Variants in SKP2 observed in about 807,000 individuals in gnomAD.
SKP2 encodes the protein S-phase kinase associated protein 2.
SKP2 carries 16 observed loss-of-function variants against 51.8 expected under a neutral mutation model. That is an observed-to-expected ratio of 0.31 (90% CI 0.21 to 0.47). The LOEUF (loss-of-function observed/expected upper bound fraction) is 0.47, where lower values mean the gene tolerates loss of function less well. Ranked by LOEUF, SKP2 falls within the 20% of genes least tolerant of loss-of-function variation. SKP2 has a pLI of 1.00. For synonymous variants in SKP2, 176 were observed against 198.6 expected, an observed-to-expected ratio of 0.89 and a Z score of 0.96; for missense variants, 377 against 505.3, an observed-to-expected ratio of 0.75 and a Z score of 2.43.
chr5:36,160,764 A>G (rs892587645), intron 2 of SKP2, among the ~76,000 whole-genome samples: 3 of 152,092 alleles, frequency 2.0e-5, no homozygotes, highest in African/African-American at 7.2e-5. Context: ...TGGTTTGAGA[A>G]CCTTTGTCCC....
At chr5:36,155,618 T>G (rs1277024464) in intron 2 of SKP2, among the ~76,000 whole-genome samples, 2 of 152,196 alleles carry the variant, frequency 1.3e-5, no homozygotes, top group Non-Finnish European at 2.9e-5. Context: ...CTGACCCTGT[T>G]AGTATAAAAT....
chr5:36,174,328 C>A (rs1745564278), intron 7 of SKP2, among the ~76,000 whole-genome samples: 1 of 152,128 alleles, frequency 6.6e-6, no homozygotes, highest in South Asian at 2.1e-4. Context: ...TGTTTACTAA[C>A]TACTTCCTGC....
At chr5:36,172,411 G>A (rs1180734996) in intron 7 of SKP2, among the ~76,000 whole-genome samples, 2 of 152,116 alleles carry the variant, frequency 1.3e-5, no homozygotes, top group African/African-American at 4.8e-5. Flanking sequence ...ATTCAGTTAC[G>A]CTTTATTTTA....
At chr5:36,177,636 C>CTT (rs201383999) in intron 9 of SKP2, among the ~76,000 whole-genome samples, 2 of 143,260 alleles carry the variant, frequency 1.4e-5, no homozygotes, top group Non-Finnish European at 1.5e-5. Context: ...GGGTTAGTGT[C>CTT]TTTTTTTTTT....
intron 2 of SKP2, among the ~76,000 whole-genome samples, chr5:36,156,887 C>T (rs772303389): frequency 1.4e-4 from 21 of 152,050 alleles, no homozygotes; most frequent in Non-Finnish European, 2.6e-4. Context: ...GCCTGGGAAT[C>T]TGTGTCTTAA....
intron 1 of SKP2, 106 bp downstream of exon 1, chr5:36,152,376 T>A: frequency 1.8e-6 from 2 of 1,089,608 alleles, no homozygotes; most frequent in Non-Finnish European, 2.8e-6. Context: ...TGCTGTTAAG[T>A]GAATGGTTGC....
At chr5:36,168,185 G>T in intron 4 of SKP2, 128 bp from the exon 5 acceptor site, 1 of 784,642 alleles carries the variant, frequency 1.3e-6, no homozygotes, top group Non-Finnish European at 2.1e-6. Context: ...TATAGTTAAT[G>T]CTTGAAGTAT....
intron 2 of SKP2, among the ~76,000 whole-genome samples, chr5:36,156,855 CG>C (rs1353950164): frequency 6.6e-6 from 1 of 152,028 alleles, no homozygotes; most frequent in Admixed American, 6.6e-5. Flanking sequence ...GATTCTGATC[CG>C]GGGAGTCCTG....
chr5:36,163,812 A>G (rs1228265711), intron 3 of SKP2, 56 bp downstream of exon 3: 20 of 1,199,254 alleles, frequency 1.7e-5, no homozygotes, highest in Non-Finnish European at 2.5e-5. Context: ...GAGGAAGGTT[A>G]TTTATTCGTT....
At chr5:36,180,267 G>GT (rs1468260029) in intron 9 of SKP2, 10 of 1,347,600 alleles carry the variant, frequency 7.4e-6, no homozygotes, top group Non-Finnish European at 9.8e-6. Context: ...GGGATTCAAA[G>GT]TTGGAGCTGG....
downstream of SKP2, among the ~76,000 whole-genome samples, chr5:36,186,518 T>C (rs1011025766): frequency 9.9e-5 from 15 of 152,208 alleles, no homozygotes; most frequent in African/African-American, 3.6e-4. Context: ...TGGTTTTTGT[T>C]GTTGGTTCTG....
Position 36,183,830 on chromosome 5 carries a change from T to G in SKP2, c.*1799T>G. ...AAGTGCTAAATACTACTTGAAATTATTGTTTACAGATTAGTGACAAGAGCT... is the reference window on the plus strand; with the variant it reads ...AAGTGCTAAATACTACTTGAAATTAGTGTTTACAGATTAGTGACAAGAGCT... On this transcript the variant is annotated 3_prime_UTR_variant, in exon 10 of 10. Coordinates refer to ENST00000274255, the MANE Select transcript of SKP2 (RefSeq NM_005983.4). The G allele has an allele frequency of 6.3e-7, 1 of 1,581,306 alleles. No homozygotes were observed. The highest frequency in any genetic ancestry group is 1.2e-5 in the South Asian group (1 of 84,864).
In SKP2 at chr5:36,182,138, T is replaced by A; in HGVS notation, c.*107T>A. 1 of 1,487,034 alleles carries A rather than the reference T, an allele frequency of 6.7e-7. No homozygotes were observed. Among genetic ancestry groups the A allele is most frequent in the Non-Finnish European group, 8.9e-7 (1 of 1,119,106 alleles). The allele number at this position is 1,487,034 out of a possible 1,614,324, so 92.1% of individuals were successfully genotyped here. On this transcript the variant is annotated 3_prime_UTR_variant, in exon 10 of 10. Coordinates refer to ENST00000274255, the MANE Select transcript of SKP2 (RefSeq NM_005983.4). ...TTTATTCTTGGTTTTCCCTTTGCCT[T>A]CATTCTGCAAGTATACTAGGGAGCC...
At position 36,182,111 on chromosome 5, in the gene SKP2, G is replaced by T; in HGVS notation, c.*80G>T. 1 of 1,534,754 alleles carries T rather than the reference G, an allele frequency of 6.5e-7. No homozygotes were observed. The highest frequency in any genetic ancestry group is 8.8e-7 in the Non-Finnish European group (1 of 1,139,326). On this transcript the variant is annotated 3_prime_UTR_variant, in exon 10 of 10. Coordinates refer to ENST00000274255, the MANE Select transcript of SKP2 (RefSeq NM_005983.4). ...GCCCAATTGCTGGAGTACTTAGCTAGTTTTATTCTTGGTTTTCCCTTTGCC... is the reference window on the plus strand; with the variant it reads ...GCCCAATTGCTGGAGTACTTAGCTATTTTTATTCTTGGTTTTCCCTTTGCC...
intron 9 of SKP2, among the ~76,000 whole-genome samples, chr5:36,180,747 A>G (rs569700944): frequency 5.2e-4 from 79 of 152,334 alleles, no homozygotes; most frequent in Admixed American, 4.8e-3. Flanking sequence ...ATAGGCTAGA[A>G]GGAAGAAAGA....
chr5:36,176,236 T>C (rs1481058138), intron 7 of SKP2, among the ~76,000 whole-genome samples: 2 of 151,970 alleles, frequency 1.3e-5, no homozygotes, highest in Non-Finnish European at 2.9e-5. Flanking sequence ...TTGATTTATC[T>C]TTTTTCTCTT....
chr5:36,185,564 C>G (rs1181549042), downstream of SKP2, among the ~76,000 whole-genome samples: 62 of 152,156 alleles, frequency 4.1e-4, no homozygotes, highest in Non-Finnish European at 5.9e-5. Flanking sequence ...GATGGTTGTA[C>G]ATGTGTGGTA....
At chr5:36,187,208 T>G (rs1745963999), downstream of SKP2, among the ~76,000 whole-genome samples, 1 of 152,196 alleles carries the variant, frequency 6.6e-6, no homozygotes, top group African/African-American at 2.4e-5. Context: ...ATTGATTTTT[T>G]GAAGGCTTTT....
intron 2 of SKP2, among the ~76,000 whole-genome samples, chr5:36,157,815 T>TGAGTG (rs1745001055): frequency 6.6e-6 from 1 of 152,228 alleles, no homozygotes; most frequent in Non-Finnish European, 1.5e-5. Context: ...AGCTTGAATC[T>TGAGTG]GAGTGGAGTG....
Sources: allele counts gnomAD v4.1 joint callset (sites outside exome capture counted in the v4.1 genomes callset), GRCh38; gene constraint gnomAD v4.1.1; transcripts MANE v1.5; gene names NCBI Gene and HGNC (gene_info 2026-07-23, HGNC 2026-07-21).